TRDN: variants seen among roughly 807,000 people sequenced by gnomAD.
TRDN encodes the protein triadin in skeletal muscle.
TRDN carries 161 observed loss-of-function variants against 149.7 expected under a neutral mutation model. The observed-to-expected ratio is 1.08, with a 90% CI of 0.95 to 1.23. TRDN has a LOEUF of 1.23. Among genes scored for constraint, TRDN ranks in the 50% most tolerant of loss-of-function variants. TRDN has a pLI of 0.00. For missense variants in TRDN, 896 were observed against 823.5 expected (o/e 1.09, Z -1.08); for synonymous variants, 294 against 250.5 (o/e 1.17, Z -1.64).
At chr6:123,315,663 T>C (rs1305447270) in intron 24 of TRDN, among the ~76,000 whole-genome samples, 1 of 151,940 alleles carries the variant, frequency 6.6e-6, no homozygotes, top group Non-Finnish European at 1.5e-5. Flanking sequence ...CAACTTTCTT[T>C]TGGATAGATA....
intron 10 of TRDN, among the ~76,000 whole-genome samples, chr6:123,450,569 C>T (rs938935551): frequency 3.3e-5 from 5 of 152,070 alleles, no homozygotes; most frequent in African/African-American, 1.2e-4. Context: ...AATATATATG[C>T]ACCTAACACT....
chr6:123,294,455 T>C (rs920137415), intron 24 of TRDN, among the ~76,000 whole-genome samples: 1 of 152,100 alleles, frequency 6.6e-6, no homozygotes, highest in Non-Finnish European at 1.5e-5. Context: ...TGGAAGACAA[T>C]TTTTCCACAG....
chr6:123,465,065 C>G (rs1327163601), intron 9 of TRDN, 82 bp from the exon 10 acceptor site: 3 of 1,403,862 alleles, frequency 2.1e-6, no homozygotes, highest in Non-Finnish European at 2.9e-6. Flanking sequence ...AGATCTGTCC[C>G]CTACATGCAT....
intron 2 of TRDN, among the ~76,000 whole-genome samples, chr6:123,565,490 G>A (rs965587779): frequency 2.0e-5 from 3 of 152,138 alleles, no homozygotes; most frequent in Non-Finnish European, 1.5e-5. Flanking sequence ...TGATATTGTT[G>A]TCCTATATGA....
At chr6:123,396,256 T>C (rs947182526) in intron 12 of TRDN, among the ~76,000 whole-genome samples, 2 of 152,320 alleles carry the variant, frequency 1.3e-5, no homozygotes, top group African/African-American at 2.4e-5. Context: ...ACTACATTTT[T>C]GTTAGGGAAA....
chr6:123,603,650 T>A (rs990883454), intron 1 of TRDN, among the ~76,000 whole-genome samples: 1 of 152,158 alleles, frequency 6.6e-6, no homozygotes, highest in Non-Finnish European at 1.5e-5. Flanking sequence ...ACCTAGACTC[T>A]ATACTCCTTA....
intron 1 of TRDN, among the ~76,000 whole-genome samples, chr6:123,588,848 T>C (rs1056961599): frequency 3.3e-5 from 5 of 152,182 alleles, no homozygotes; most frequent in Admixed American, 3.3e-4. Flanking sequence ...TATTAGTATA[T>C]GTTAAACTTG....
chr6:123,228,465 G>A (rs4591876), intron 38 of TRDN, among the ~76,000 whole-genome samples: 81,172 of 151,768 alleles, frequency 0.53, 22,965 homozygotes, highest in African/African-American at 0.72. Context: ...AGAAGTCAAC[G>A]TGTCCTTCTT....
chr6:123,221,829 T>C (rs566759787), intron 39 of TRDN, among the ~76,000 whole-genome samples: 150 of 151,884 alleles, frequency 9.9e-4, no homozygotes, highest in African/African-American at 3.4e-3. Flanking sequence ...CATGCATCCC[T>C]TTCCTGAGAA....
rs577609192 is a variant in TRDN at position 123,320,607 on chromosome 6, C to T, written c.1472-4112G>A. ...AGTGGCAAAACTGGGATTTGAATTC[C>T]GTTTCCAAAGTTTTAAGCACTTCAA... is the stretch of plus-strand genomic sequence containing the variant. On this transcript the variant is annotated intron_variant, in intron 23 of 40. Transcript: ENST00000334268. 1.1e-3 allele frequency among the ~76,000 whole-genome samples: 173 copies of T among 152,062 alleles called. 1 individual carries two copies. Among genetic ancestry groups the T allele is most frequent in the African/African-American group, 3.4e-3 (143 of 41,516 alleles).
At chr6:123,494,812 C>T (rs1417403145) in intron 9 of TRDN, among the ~76,000 whole-genome samples, 1 of 152,008 alleles carries the variant, frequency 6.6e-6, no homozygotes, top group Non-Finnish European at 1.5e-5. Flanking sequence ...CGGCTCACTG[C>T]AAATTCTCTC....
At chr6:123,548,732 C>G in intron 2 of TRDN, 120 bp from the exon 3 acceptor site, 1 of 878,614 alleles carries the variant, frequency 1.1e-6, no homozygotes, top group Non-Finnish European at 1.5e-6. Flanking sequence ...TTTCAACATT[C>G]TAAATATCTC....
intron 1 of TRDN, among the ~76,000 whole-genome samples, chr6:123,593,264 T>C (rs1367899392): frequency 6.6e-6 from 1 of 152,226 alleles, no homozygotes; most frequent in South Asian, 2.1e-4. Context: ...TCTGGAGGTA[T>C]ATATGACTTT....
At chr6:123,363,247 G>A (rs1259872879) in intron 20 of TRDN, among the ~76,000 whole-genome samples, 4 of 152,160 alleles carry the variant, frequency 2.6e-5, no homozygotes. Context: ...TGGACCAGTT[G>A]TAAAGTATGC....
intron 9 of TRDN, chr6:123,471,704 A>C (rs1036797339): frequency 2.6e-5 from 4 of 152,218 alleles, no homozygotes; most frequent in Non-Finnish European, 4.4e-5. Context: ...GGAAAGCAAG[A>C]ATAGCAGCCA....
intron 12 of TRDN, among the ~76,000 whole-genome samples, chr6:123,422,944 G>A (rs1011030214): frequency 1.3e-5 from 2 of 152,058 alleles, no homozygotes; most frequent in African/African-American, 2.4e-5. Flanking sequence ...TAGTAAAAAG[G>A]TGTAACAGGA....
intron 24 of TRDN, among the ~76,000 whole-genome samples, chr6:123,309,966 T>C (rs1778754631): frequency 6.6e-6 from 1 of 151,986 alleles, no homozygotes; most frequent in African/African-American, 2.4e-5. Flanking sequence ...GATGCAATAT[T>C]AAAGGATAAC....
chr6:123,443,585 G>C (rs1775081330), intron 10 of TRDN, among the ~76,000 whole-genome samples: 1 of 152,124 alleles, frequency 6.6e-6, no homozygotes, highest in Non-Finnish European at 1.5e-5. Flanking sequence ...GAGGTCAGGA[G>C]ATCGAGACCA....
At chr6:123,283,573 G>A (rs944698685) in intron 24 of TRDN, among the ~76,000 whole-genome samples, 2 of 151,488 alleles carry the variant, frequency 1.3e-5, no homozygotes, top group African/African-American at 2.4e-5. Context: ...AAGGAAACAA[G>A]AGAGAAGATC....
Sources: allele counts gnomAD v4.1 joint callset (sites outside exome capture counted in the v4.1 genomes callset), GRCh38; gene constraint gnomAD v4.1.1; transcripts MANE v1.5; gene names NCBI Gene and HGNC (gene_info 2026-07-23, HGNC 2026-07-21).